The following TJP1 variants were observed in gnomAD, a reference collection of about 807,000 sequenced individuals.
TJP1 encodes tight junction protein 1, also known as tight junction protein ZO-1.
A neutral mutation model predicts 194.2 loss-of-function variants in TJP1; 43 were observed. The ratio of observed to expected loss-of-function variants is 0.22; its 90% CI spans 0.17 to 0.29. TJP1 has a LOEUF of 0.29. Among genes scored for constraint, TJP1 ranks in the 10% least tolerant of loss-of-function variants. TJP1 has a pLI of 1.00. For missense variants in TJP1, 1,971 were observed against 2,185.7 expected, an observed-to-expected ratio of 0.90 and a Z score of 1.96; for synonymous variants, 801 against 779.0, an observed-to-expected ratio of 1.03 and a Z score of -0.47.
intron 2 of TJP1, among the ~76,000 whole-genome samples, chr15:29,858,198 C>T (rs1311495139): frequency 6.6e-6 from 1 of 152,086 alleles, no homozygotes; most frequent in Non-Finnish European, 1.5e-5. Flanking sequence ...CTCATGAGTT[C>T]GAGACCAACC....
At chr15:29,871,700 T>G (rs2052530032) in intron 2 of TJP1, among the ~76,000 whole-genome samples, 1 of 152,066 alleles carries the variant, frequency 6.6e-6, no homozygotes, top group Non-Finnish European at 1.5e-5. Context: ...TTCCCGTGAG[T>G]CCAGCCCTAA....
At position 29,919,529 on chromosome 15, in the gene TJP1, C is replaced by A. The variant is rs1210943290; in HGVS notation, c.306+36703G>T. On this transcript the variant is annotated intron_variant, in intron 2 of 28. Transcript: ENST00000356107. ...GGGAGAGGGACGATAAACAAATATA[C>A]CTTGTTAGGTAATGTCCTATGAGGA... is the stretch of plus-strand genomic sequence containing the variant. Among the ~76,000 whole-genome samples, 3 of 152,198 alleles carry A rather than the reference C, an allele frequency of 2.0e-5. No individual in the cohort carries two copies. In the South Asian group the frequency reaches 6.2e-4, roughly 32 times the overall value.
Position 29,822,191 on chromosome 15 carries a change from T to C in TJP1, c.-163A>G. 1 of 1,175,682 alleles carries C rather than the reference T, an allele frequency of 8.5e-7. No individual in the cohort carries two copies. 72.8% of individuals were successfully genotyped at this position (1,175,682 alleles called of 1,614,324 possible). A position where few individuals can be genotyped will look rare whatever the true frequency, so the allele number is the denominator to read the frequency against. ...CCGGCCCAGGGGGAGGGAATTCAAC[T>C]CGGACAAAAGTCCGGGAAGCGCCCG... On this transcript the variant is annotated 5_prime_UTR_variant, in exon 1 of 28. Transcript: ENST00000614355.
chr15:29,927,977 C>T (rs535533673), intron 2 of TJP1, among the ~76,000 whole-genome samples: 1 of 152,060 alleles, frequency 6.6e-6, no homozygotes, highest in Admixed American at 6.6e-5. Flanking sequence ...CTGCCAAGTG[C>T]CCACCAGAAA....
chr15:29,894,278 G>T (rs1193677039), intron 2 of TJP1, among the ~76,000 whole-genome samples: 2 of 152,136 alleles, frequency 1.3e-5, no homozygotes, highest in Non-Finnish European at 2.9e-5. Flanking sequence ...GGCCAACACA[G>T]GGAAGCCCTG....
chr15:29,718,270 A>G lies in TJP1; in HGVS notation c.3872T>C (p.Phe1291Ser), dbSNP rs1206664939. The G allele has an allele frequency of 6.2e-7, 1 of 1,612,132 alleles. No individual in the cohort carries two copies. Among genetic ancestry groups the G allele is most frequent in the Admixed American group, 1.7e-5 (1 of 59,778 alleles). Residue 1291 changes from phenylalanine to serine, a missense_variant, in exon 21 of 28, where the codon TTT becomes TCT. Phe to Ser is a radical substitution (Grantham distance 155, BLOSUM62 -2). This residue lies in a region of TJP1 where 1,108 missense variants were observed against 1,128.5 expected (regional missense o/e 0.98). Coordinates refer to ENST00000614355, the MANE Select transcript of TJP1 (RefSeq NM_001330239.4). The stretch of plus-strand genomic sequence containing the variant: ...AGGCACTAAAGACATATTTACCTTA[A>G]AACTGCCAGTGTCATTTACATCCTT... ...TKKDVNDTGS[F>S]KPPEVASKPS...
chr15:29,716,148 C>G (rs45590941), intron 23 of TJP1, among the ~76,000 whole-genome samples: 1 of 152,108 alleles, frequency 6.6e-6, no homozygotes, highest in Non-Finnish European at 1.5e-5. Flanking sequence ...CCAGCTCTGC[C>G]CTGTCATTTT....
chr15:29,917,420 C>A (rs2054221540), intron 2 of TJP1, among the ~76,000 whole-genome samples: 1 of 152,202 alleles, frequency 6.6e-6, no homozygotes, highest in South Asian at 2.1e-4. Flanking sequence ...CCTCTCCCTC[C>A]TGAACCCCTG....
At chr15:29,803,429 A>C (rs980096862) in intron 1 of TJP1, among the ~76,000 whole-genome samples, 8 of 152,110 alleles carry the variant, frequency 5.3e-5, no homozygotes, top group African/African-American at 1.9e-4. Flanking sequence ...CCAACTATAT[A>C]CTAATGTAAG....
chr15:29,730,859 A>G (rs1405928581), intron 15 of TJP1: 2 of 1,174,128 alleles, frequency 1.7e-6, no homozygotes, highest in Non-Finnish European at 2.5e-6. Flanking sequence ...CAAAGAAGGG[A>G]GAGAAGGTAC....
intron 2 of TJP1, among the ~76,000 whole-genome samples, chr15:29,789,809 C>G (rs1187460604): frequency 1.3e-5 from 2 of 152,224 alleles, no homozygotes; most frequent in Non-Finnish European, 2.9e-5. Flanking sequence ...ATCCCCTTCA[C>G]TTACTACCAC....
intron 2 of TJP1, among the ~76,000 whole-genome samples, chr15:29,876,213 C>T (rs1304295641): frequency 6.6e-6 from 1 of 152,156 alleles, no homozygotes; most frequent in Non-Finnish European, 1.5e-5. Context: ...AATTCGTAAA[C>T]TTGCTTAAAA....
At chr15:29,720,061 T>C (rs749883473) in intron 19 of TJP1, 45 bp from the exon 20 acceptor site, 1 of 1,541,654 alleles carries the variant, frequency 6.5e-7, no homozygotes, top group South Asian at 1.3e-5. Context: ...TTCTGTTTAC[T>C]GCTAACTTTC....
chr15:29,800,745 A>G, intron 1 of TJP1, 43 bp from the exon 2 acceptor site: 1 of 1,595,968 alleles, frequency 6.3e-7, no homozygotes, highest in Non-Finnish European at 8.6e-7. Flanking sequence ...CTTTTAAGAA[A>G]ATGTCCTTAA....
intron 5 of TJP1, among the ~76,000 whole-genome samples, 157 bp from the exon 6 acceptor site, chr15:29,762,595 C>T (rs1369768101): frequency 6.6e-6 from 1 of 152,038 alleles, no homozygotes; most frequent in Non-Finnish European, 1.5e-5. Flanking sequence ...TAAGACATTC[C>T]CTCTAATTAG....
intron 19 of TJP1, 136 bp from the exon 20 acceptor site, chr15:29,720,152 T>A: frequency 7.7e-7 from 1 of 1,304,014 alleles, no homozygotes; most frequent in Non-Finnish European, 1.0e-6. Context: ...CCTAAACTTT[T>A]TGGGAAAAAA....
intron 22 of TJP1, 94 bp downstream of exon 22, chr15:29,717,927 C>T: frequency 1.9e-6 from 2 of 1,032,928 alleles, no homozygotes; most frequent in Non-Finnish European, 2.9e-6. Context: ...ATTCACACCT[C>T]TCCTCTACTA....
intron 20 of TJP1, 118 bp from the exon 21 acceptor site, chr15:29,719,256 T>C: frequency 8.1e-7 from 1 of 1,232,952 alleles, no homozygotes; most frequent in Non-Finnish European, 1.1e-6. Flanking sequence ...TGTTTTACCA[T>C]TTATTATCAG....
chr15:29,822,313 C>T lies in TJP1; in HGVS notation c.-285G>A. On this transcript the variant is annotated 5_prime_UTR_variant, in exon 1 of 28. In the 5' UTR this introduces an upstream ATG that the reference lacks. Transcript: ENST00000614355. The stretch of plus-strand genomic sequence containing the variant: ...TCCCGCAGCTTTCGCAGCCCGGCCA[C>T]GTCGGCCTCGCCCGGTCGCCCGCCC... 1.8e-6 allele frequency: 2 copies of T among 1,105,748 alleles called. No homozygotes were observed. The highest frequency in any genetic ancestry group is 2.2e-6 in the Non-Finnish European group (2 of 906,952). 68.5% of individuals were successfully genotyped at this position (1,105,748 alleles called of 1,614,324 possible).
Sources: allele counts gnomAD v4.1 joint callset (sites outside exome capture counted in the v4.1 genomes callset), GRCh38; gene constraint gnomAD v4.1.1; regional missense constraint gnomAD v4.1.1; transcripts MANE v1.5; gene names NCBI Gene and HGNC (gene_info 2026-07-23, HGNC 2026-07-21).